SFXN5: variants seen among roughly 807,000 people sequenced by gnomAD.
The protein encoded by SFXN5 is sideroflexin-5.
Under a neutral mutation model 50.2 loss-of-function variants are expected in SFXN5, and 43 were observed. The observed-to-expected ratio is 0.86, with a 90% CI of 0.67 to 1.11. The LOEUF (loss-of-function observed/expected upper bound fraction) is 1.11, where lower values mean the gene tolerates loss of function less well. Ranked by LOEUF, SFXN5 falls within the 50% of genes least tolerant of loss-of-function variation. The pLI, the probability that SFXN5 is intolerant of heterozygous loss-of-function variation, is 0.00. For missense variants in SFXN5, 463 were observed against 454.1 expected, an observed-to-expected ratio of 1.02 and a Z score of -0.18; for synonymous variants, 203 against 185.8, an observed-to-expected ratio of 1.09 and a Z score of -0.75.
rs369591437 is a variant in SFXN5 at position 73,040,970 on chromosome 2, C to A, written c.172-39G>T. 162 of 1,583,086 alleles carry A rather than the reference C, an allele frequency of 1.0e-4. 1 individual carries two copies. Among genetic ancestry groups the A allele is most frequent in the Admixed American group, 1.7e-4 (10 of 57,268 alleles). ...AAAAGAGACATTGAGGGGCACAGAT[C>A]CAGGGCTCCCGCAAATTTTTCTTTT... On this transcript the variant is annotated intron_variant, in intron 2 of 13. Transcript: ENST00000272433.
rs1270611243 is a variant in SFXN5, at chr2:72,944,156, C to T, written c.*866G>A. Reference sequence around the variant, plus strand: ...TCAGCCCCAGAACCCAGCATCCAGCCTGGGGCCTGGAAGGAGGATCTTCCC... The same window carrying T: ...TCAGCCCCAGAACCCAGCATCCAGCTTGGGGCCTGGAAGGAGGATCTTCCC... On this transcript the variant is annotated 3_prime_UTR_variant, in exon 14 of 14. Transcript: ENST00000272433. The T allele has an allele frequency of 6.6e-6, 1 of 152,284 alleles. No individual in the cohort carries two copies. Among genetic ancestry groups the T allele is most frequent in the Non-Finnish European group, 1.5e-5 (1 of 68,116 alleles). 9.4% of individuals were successfully genotyped at this position (152,284 alleles called of 1,614,324 possible). A position where few individuals can be genotyped will look rare whatever the true frequency, so the allele number is the denominator to read the frequency against.
chr2:72,972,231 A>G (rs1670093994), intron 10 of SFXN5, among the ~76,000 whole-genome samples: 2 of 152,202 alleles, frequency 1.3e-5, no homozygotes, highest in African/African-American at 4.8e-5. Context: ...CCACCCCCTC[A>G]TCATATGGAT....
intron 6 of SFXN5, among the ~76,000 whole-genome samples, chr2:73,004,844 G>C (rs1674416770): frequency 6.6e-6 from 1 of 152,208 alleles, no homozygotes; most frequent in Non-Finnish European, 1.5e-5. Context: ...ACAATCCCAG[G>C]AGCAAGAGCA....
intron 10 of SFXN5, among the ~76,000 whole-genome samples, chr2:72,982,847 G>A (rs971459767): frequency 2.6e-5 from 4 of 152,190 alleles, no homozygotes; most frequent in African/African-American, 7.2e-5. Flanking sequence ...AGAGGAGGAC[G>A]GCAGCGTTCT....
In SFXN5 at chr2:72,965,461, G is replaced by A. The variant is rs189814374; in HGVS notation, c.827+2987C>T. On this transcript the variant is annotated intron_variant, in intron 12 of 13. Coordinates refer to ENST00000272433, the MANE Select transcript of SFXN5 (RefSeq NM_144579.3). ...GATACAGAAAGCCCTCTGTCCTCGC[G>A]ATAAGGCAGGGGTCTAACTGAGCTG... is the stretch of plus-strand genomic sequence containing the variant. 5.3e-5 allele frequency among the ~76,000 whole-genome samples: 8 copies of A among 152,294 alleles called. No homozygotes were observed. The East Asian group carries it at 7.7e-4, about 15-fold the overall frequency.
chr2:72,962,131 G>A (rs1673819291), intron 12 of SFXN5, among the ~76,000 whole-genome samples: 2 of 152,232 alleles, frequency 1.3e-5, no homozygotes, highest in African/African-American at 4.8e-5. Flanking sequence ...CCTTCAGCGG[G>A]GACCACAGCA....
At chr2:73,034,840 C>T (rs1276901364) in intron 3 of SFXN5, among the ~76,000 whole-genome samples, 1 of 152,230 alleles carries the variant, frequency 6.6e-6, no homozygotes, top group Admixed American at 6.5e-5. Context: ...CTTCCTCTTA[C>T]CCCACACAAT....
intron 13 of SFXN5, among the ~76,000 whole-genome samples, chr2:72,951,508 G>T (rs1267514709): frequency 2.0e-5 from 3 of 152,138 alleles, no homozygotes. Context: ...GGCCACCTCT[G>T]CCTCTACAGC....
In SFXN5 at chr2:72,987,059, G is replaced by A. The variant is rs74662199; in HGVS notation, c.625+1199C>T. 4.5e-3 allele frequency among the ~76,000 whole-genome samples: 682 copies of A among 152,252 alleles called. 10 individuals carry two copies. The highest frequency in any genetic ancestry group is 0.015 in the African/African-American group (616 of 41,552). ...AAACAAAACACATAGGATCACAAAG[G>A]GATCATCCTGAAATTACCAAAATAT... On this transcript the variant is annotated intron_variant, in intron 10 of 13. Transcript: ENST00000272433.
intron 12 of SFXN5, among the ~76,000 whole-genome samples, chr2:72,968,138 CACA>C (rs1200208257): frequency 6.7e-6 from 1 of 149,318 alleles, no homozygotes; most frequent in Non-Finnish European, 1.5e-5. Flanking sequence ...CACACACACA[CACA>C]CACACACACA....
At chr2:73,042,671 A>C (rs1219639562) in intron 2 of SFXN5, 1 of 152,248 alleles carries the variant, frequency 6.6e-6, no homozygotes. Flanking sequence ...GAGTGCCTGT[A>C]GTCCCAGCTA....
At chr2:72,967,015 C>T (rs1394696526) in intron 12 of SFXN5, among the ~76,000 whole-genome samples, 1 of 152,194 alleles carries the variant, frequency 6.6e-6, no homozygotes, top group East Asian at 1.9e-4. Context: ...CAAGAGGCAG[C>T]CAGTGTAGCT....
At chr2:72,949,486 T>A (rs933176688) in intron 13 of SFXN5, among the ~76,000 whole-genome samples, 12 of 152,150 alleles carry the variant, frequency 7.9e-5, no homozygotes, top group African/African-American at 2.4e-4. Flanking sequence ...TAAATTATTT[T>A]AAAAATTTTT....
At position 72,980,792 on chromosome 2, in the gene SFXN5, G is replaced by A. The variant is rs117451978; in HGVS notation, c.625+7466C>T. ...CAAACCCCAAGCTAACACTCATAGCGACAACATGCCCTCCTCTGTTCCCCA... is the reference window on the plus strand; with the variant it reads ...CAAACCCCAAGCTAACACTCATAGCAACAACATGCCCTCCTCTGTTCCCCA... On this transcript the variant is annotated intron_variant, in intron 10 of 13. Coordinates refer to ENST00000272433, the MANE Select transcript of SFXN5 (RefSeq NM_144579.3). 6.6e-5 allele frequency among the ~76,000 whole-genome samples: 10 copies of A among 152,130 alleles called. No individual in the cohort carries two copies. In the East Asian group the frequency reaches 1.2e-3, roughly 18 times the overall value.
intron 11 of SFXN5, among the ~76,000 whole-genome samples, chr2:72,970,556 CT>C (rs1675029275): frequency 6.6e-6 from 1 of 152,080 alleles, no homozygotes; most frequent in Admixed American, 6.6e-5. Context: ...TACTTCACGG[CT>C]CCCCCCTAGC....
Position 73,044,130 on chromosome 2 carries a change from G to T in SFXN5, c.172-3199C>A, listed in dbSNP as rs561990481. ...TTTCCCACTCCAGGGATTCTCCTGA[G>T]TTCCTATAACAACCTGGCCAGATTC... On this transcript the variant is annotated intron_variant, in intron 2 of 13. Transcript: ENST00000272433. 3.9e-5 allele frequency among the ~76,000 whole-genome samples: 6 copies of T among 152,322 alleles called. No individual in the cohort carries two copies. In the East Asian group the frequency reaches 1.2e-3, roughly 29 times the overall value.
intron 12 of SFXN5, among the ~76,000 whole-genome samples, chr2:72,964,684 C>G (rs1467498151): frequency 6.6e-6 from 1 of 152,262 alleles, no homozygotes; most frequent in Non-Finnish European, 1.5e-5. Context: ...TATTCATCTT[C>G]ATCTTCCTGG....
intron 3 of SFXN5, among the ~76,000 whole-genome samples, chr2:73,031,384 T>C (rs544873720): frequency 6.6e-6 from 1 of 152,190 alleles, no homozygotes; most frequent in East Asian, 1.9e-4. Context: ...AGAAACATGA[T>C]GGAAGGAGCC....
intron 13 of SFXN5, among the ~76,000 whole-genome samples, chr2:72,956,172 C>G (rs1573945338): frequency 6.6e-6 from 1 of 152,342 alleles, no homozygotes; most frequent in Non-Finnish European, 1.5e-5. Context: ...ACAGCAGTAA[C>G]CTCCAGATCC....
Sources: allele counts gnomAD v4.1 joint callset (sites outside exome capture counted in the v4.1 genomes callset), GRCh38; gene constraint gnomAD v4.1.1; transcripts MANE v1.5; gene names NCBI Gene and HGNC (gene_info 2026-07-23, HGNC 2026-07-21).